The following SAMD4A variants were observed in gnomAD, a reference collection of about 807,000 sequenced individuals.
The protein encoded by SAMD4A is protein Smaug homolog 1.
A neutral mutation model predicts 81.3 loss-of-function variants in SAMD4A; 33 were observed. That is an observed-to-expected ratio of 0.41 (90% CI 0.31 to 0.54). The LOEUF is 0.54. Ranked by LOEUF, SAMD4A falls within the 20% of genes least tolerant of loss-of-function variation. SAMD4A has a pLI of 0.37. For missense variants in SAMD4A, 854 were observed against 951.1 expected (o/e 0.90, Z 1.34); for synonymous variants, 389 against 382.1 (o/e 1.02, Z -0.21).
intron 8 of SAMD4A, among the ~76,000 whole-genome samples, chr14:54,768,964 A>T (rs138896118): frequency 2.0e-5 from 3 of 152,136 alleles, no homozygotes; most frequent in African/African-American, 7.2e-5. Context: ...GGAACTAGTC[A>T]TTTAGTCTGT....
chr14:54,681,154 A>G (rs1348204412), intron 2 of SAMD4A, among the ~76,000 whole-genome samples: 1 of 152,146 alleles, frequency 6.6e-6, no homozygotes, highest in Admixed American at 6.5e-5. Context: ...ACCAGGAGTA[A>G]GGCTGCAGAA....
chr14:54,771,755 G>A (rs1381664411), intron 9 of SAMD4A, among the ~76,000 whole-genome samples: 1 of 152,186 alleles, frequency 6.6e-6, no homozygotes, highest in Non-Finnish European at 1.5e-5. Context: ...CAAGTTCCAA[G>A]AGGAAGAAGG....
At chr14:54,615,603 A>G (rs1009373684) in intron 2 of SAMD4A, among the ~76,000 whole-genome samples, 1 of 152,226 alleles carries the variant, frequency 6.6e-6, no homozygotes, top group African/African-American at 2.4e-5. Flanking sequence ...TGATTTCTTA[A>G]AAGGGTGTTC....
chr14:54,676,163 G>A (rs1198041457), intron 2 of SAMD4A, among the ~76,000 whole-genome samples: 2 of 152,126 alleles, frequency 1.3e-5, no homozygotes. Flanking sequence ...CTCCATGTTC[G>A]ATCTGAGATG....
intron 8 of SAMD4A, among the ~76,000 whole-genome samples, chr14:54,765,648 G>A (rs758390334): frequency 1.3e-5 from 2 of 151,986 alleles, no homozygotes; most frequent in Non-Finnish European, 2.9e-5. Flanking sequence ...AAATAGTAAA[G>A]GCCCCAGGCC....
chr14:54,569,281 A>G (rs2140100936), intron 2 of SAMD4A, among the ~76,000 whole-genome samples: 1 of 152,236 alleles, frequency 6.6e-6, no homozygotes, highest in South Asian at 2.1e-4. Context: ...GAGCAGCAAG[A>G]AGCGAGCCGG....
At position 54,637,551 on chromosome 14, in the gene SAMD4A, G is replaced by A. The variant is rs116854464; in HGVS notation, c.197-64511G>A. Among the ~76,000 whole-genome samples the A allele has an allele frequency of 7.9e-5, 12 of 152,162 alleles. No individual in the cohort carries two copies. The East Asian group carries it at 1.9e-3, about 25-fold the overall frequency. ...CTGAGAGGCCAAGCAAGAAGAGTCCGACCTCTTTCCACCTGGAGAAGAGAC... is the reference window on the plus strand; with the variant it reads ...CTGAGAGGCCAAGCAAGAAGAGTCCAACCTCTTTCCACCTGGAGAAGAGAC... On this transcript the variant is annotated intron_variant, in intron 2 of 12. Coordinates refer to ENST00000554335, the MANE Select transcript of SAMD4A (RefSeq NM_015589.6).
At chr14:54,730,407 C>T (rs921865757) in intron 3 of SAMD4A, among the ~76,000 whole-genome samples, 5 of 152,172 alleles carry the variant, frequency 3.3e-5, no homozygotes, top group Non-Finnish European at 7.3e-5. Context: ...TTCTTTTCAC[C>T]GAAAGTGTGT....
chr14:54,705,699 A>G (rs749125926), intron 3 of SAMD4A, among the ~76,000 whole-genome samples: 1 of 152,184 alleles, frequency 6.6e-6, no homozygotes, highest in African/African-American at 2.4e-5. Context: ...ATTCCCAATC[A>G]TTCAACTACC....
At chr14:54,769,421 G>T (rs142384631) in intron 8 of SAMD4A, among the ~76,000 whole-genome samples, 48 of 152,244 alleles carry the variant, frequency 3.2e-4, no homozygotes, top group African/African-American at 1.0e-3. Context: ...AAACGCAAAA[G>T]GAAATATAAC....
At position 54,702,587 on chromosome 14, in the gene SAMD4A, T is replaced by C. The variant is rs1566593849; in HGVS notation, c.715+7T>C. 1 of 1,612,976 alleles carries C rather than the reference T, an allele frequency of 6.2e-7. No individual in the cohort carries two copies. The highest frequency in any genetic ancestry group is 8.5e-7 in the Non-Finnish European group (1 of 1,179,346). On this transcript the variant is annotated splice_region_variant and intron_variant, in intron 3 of 12. Transcript: ENST00000554335. Reference sequence around the variant, plus strand: ...GGAACCAGCACAAGTACAAGTAAGTTCCCCGGAATCCCTTTAACGTAGTCT... The same window carrying C: ...GGAACCAGCACAAGTACAAGTAAGTCCCCCGGAATCCCTTTAACGTAGTCT...
chr14:54,603,128 A>G (rs544022706), intron 2 of SAMD4A, among the ~76,000 whole-genome samples: 1 of 152,346 alleles, frequency 6.6e-6, no homozygotes, highest in African/African-American at 2.4e-5. Flanking sequence ...GTGACTTGGC[A>G]TGAACACACT....
intron 3 of SAMD4A, among the ~76,000 whole-genome samples, chr14:54,730,441 G>T (rs1282131324): frequency 6.6e-6 from 1 of 152,156 alleles, no homozygotes; most frequent in Non-Finnish European, 1.5e-5. Context: ...GGCTTGTCAG[G>T]AACATCCCGT....
At chr14:54,575,555 G>C (rs1331858347) in intron 2 of SAMD4A, among the ~76,000 whole-genome samples, 1 of 152,168 alleles carries the variant, frequency 6.6e-6, no homozygotes, top group African/African-American at 2.4e-5. Context: ...GGACAAGGTG[G>C]ACACTGTAGT....
At chr14:54,666,108 G>T (rs1006068703) in intron 2 of SAMD4A, among the ~76,000 whole-genome samples, 3 of 152,162 alleles carry the variant, frequency 2.0e-5, no homozygotes, top group Non-Finnish European at 4.4e-5. Context: ...CTGACAGGGT[G>T]TCACCCCAGC....
At position 54,765,836 on chromosome 14, in the gene SAMD4A, C is replaced by T. The variant is rs78524725; in HGVS notation, c.1596+1296C>T. ...TCTCACGGCCCTCACCCACTACCCACACTTCACATACAAGGGTACAGTCCC... is the reference window on the plus strand; with the variant it reads ...TCTCACGGCCCTCACCCACTACCCATACTTCACATACAAGGGTACAGTCCC... On this transcript the variant is annotated intron_variant, in intron 8 of 12. Coordinates refer to ENST00000554335, the MANE Select transcript of SAMD4A (RefSeq NM_015589.6). Among the ~76,000 whole-genome samples the T allele has an allele frequency of 7.0e-3, 1,072 of 152,304 alleles. 12 individuals carry two copies. Among genetic ancestry groups the T allele is most frequent in the African/African-American group, 0.025 (1,027 of 41,568 alleles).
intron 9 of SAMD4A, among the ~76,000 whole-genome samples, chr14:54,772,982 G>A (rs532807177): frequency 2.0e-5 from 3 of 152,202 alleles, no homozygotes; most frequent in South Asian, 2.1e-4. Flanking sequence ...AAATGAAAAC[G>A]AAATTTTTAA....
chr14:54,776,181 A>G (rs1344689864), intron 10 of SAMD4A, among the ~76,000 whole-genome samples: 1 of 152,104 alleles, frequency 6.6e-6, no homozygotes, highest in East Asian at 1.9e-4. Context: ...AGGTGTCCAG[A>G]TGAAGCTGAG....
chr14:54,708,977 G>A (rs2036922668), intron 3 of SAMD4A, among the ~76,000 whole-genome samples: 1 of 152,118 alleles, frequency 6.6e-6, no homozygotes, highest in African/African-American at 2.4e-5. Context: ...TGTTTAGAAG[G>A]CATTAAAAAT....
Sources: gnomAD v4.1 joint callset for allele counts (sites outside exome capture counted in the v4.1 genomes callset) on GRCh38, gnomAD v4.1.1 for gene constraint, MANE v1.5 for transcripts, NCBI Gene and HGNC (gene_info 2026-07-23, HGNC 2026-07-21) for gene names.